The following ASAH2 variants were observed in gnomAD, a reference collection of about 807,000 sequenced individuals.
The protein encoded by ASAH2 is N-acylsphingosine amidohydrolase 2, also known as neutral ceramidase.
A neutral mutation model predicts 82.9 loss-of-function variants in ASAH2; 58 were observed. The ratio of observed to expected loss-of-function variants is 0.70; its 90% CI spans 0.57 to 0.87. The LOEUF (loss-of-function observed/expected upper bound fraction) is 0.87. Ranked by LOEUF, ASAH2 falls within the 40% of genes least tolerant of loss-of-function variation. The pLI, the probability that ASAH2 is intolerant of heterozygous loss-of-function variation, is 0.00. For missense variants in ASAH2, 779 were observed against 834.0 expected (o/e 0.93, Z 0.81); for synonymous variants, 276 against 289.7 (o/e 0.95, Z 0.48).
intron 7 of ASAH2, among the ~76,000 whole-genome samples, chr10:50,220,749 CA>C (rs1845721120): frequency 6.8e-6 from 1 of 146,386 alleles, no homozygotes; most frequent in South Asian, 2.1e-4. Flanking sequence ...AACCAACCCG[CA>C]AATGTACTCC....
chr10:50,231,447 C>A (rs1020225094), intron 7 of ASAH2, among the ~76,000 whole-genome samples: 5 of 152,124 alleles, frequency 3.3e-5, no homozygotes, highest in Non-Finnish European at 7.4e-5. Context: ...CTCCAAACTC[C>A]CACAGCATTA....
At chr10:50,200,445 G>A (rs1564834251) in intron 16 of ASAH2, among the ~76,000 whole-genome samples, 2 of 151,682 alleles carry the variant, frequency 1.3e-5, no homozygotes, top group Admixed American at 6.6e-5. Context: ...TGCATATATC[G>A]TTTCTTCTAT....
intron 2 of ASAH2, 131 bp from the exon 3 acceptor site, chr10:50,245,585 A>G (rs1464252243): frequency 4.9e-6 from 4 of 809,180 alleles, no homozygotes; most frequent in African/African-American, 3.5e-5. Flanking sequence ...ATAAAAATAT[A>G]TAGACAGGAA....
chr10:50,217,772 C>A (rs1457339599), intron 8 of ASAH2, among the ~76,000 whole-genome samples: 8 of 152,080 alleles, frequency 5.3e-5, no homozygotes, highest in African/African-American at 1.9e-4. Context: ...AAGCTAATAT[C>A]TTTATAAGGG....
chr10:50,249,047 C>T (rs1413203632), intron 1 of ASAH2, among the ~76,000 whole-genome samples: 1 of 152,194 alleles, frequency 6.6e-6, no homozygotes, highest in Non-Finnish European at 1.5e-5. Flanking sequence ...CTGATGCACG[C>T]ATACTTCTTG....
At chr10:50,250,923 C>G (rs994632082) in intron 1 of ASAH2, among the ~76,000 whole-genome samples, 16 of 152,160 alleles carry the variant, frequency 1.1e-4, no homozygotes, top group African/African-American at 3.9e-4. Context: ...AGAATTGTTG[C>G]CAACACAGTA....
intron 5 of ASAH2, 119 bp downstream of exon 5, chr10:50,235,769 C>T: frequency 9.3e-7 from 1 of 1,080,302 alleles, no homozygotes; most frequent in Non-Finnish European, 1.4e-6. Flanking sequence ...AAGAATTGTA[C>T]ATGCTAATAC....
intron 7 of ASAH2, 146 bp from the exon 8 acceptor site, chr10:50,218,776 T>A (rs1383725781): frequency 1.1e-6 from 1 of 922,152 alleles, no homozygotes; most frequent in Non-Finnish European, 1.7e-6. Flanking sequence ...TCATTGTTCA[T>A]GGGCTTAAAA....
intron 12 of ASAH2, among the ~76,000 whole-genome samples, chr10:50,207,633 TAAA>T (rs34303021): frequency 6.8e-6 from 1 of 147,130 alleles, no homozygotes; most frequent in Non-Finnish European, 1.5e-5. Flanking sequence ...ATAGGCAATC[TAAA>T]AAAAAAAAAC....
intron 7 of ASAH2, among the ~76,000 whole-genome samples, chr10:50,232,313 T>C (rs932925523): frequency 6.6e-6 from 1 of 152,174 alleles, no homozygotes; most frequent in South Asian, 2.1e-4. Flanking sequence ...TATCCTATGG[T>C]ATGCACAAAA....
chr10:50,226,375 T>C (rs1294017000), intron 7 of ASAH2, among the ~76,000 whole-genome samples: 1 of 152,154 alleles, frequency 6.6e-6, no homozygotes, highest in East Asian at 1.9e-4. Context: ...AAAGACTATG[T>C]AACAAACTTT....
At chr10:50,237,342 G>A (rs1846187508) in intron 4 of ASAH2, among the ~76,000 whole-genome samples, 1 of 152,162 alleles carries the variant, frequency 6.6e-6, no homozygotes. Flanking sequence ...AGCCATCTGA[G>A]TGAGCAACCT....
intron 7 of ASAH2, among the ~76,000 whole-genome samples, chr10:50,227,338 T>TAATG (rs1359107943): frequency 7.9e-5 from 1 of 12,722 alleles, no homozygotes; most frequent in Non-Finnish European, 2.4e-3. Context: ...AACAGATACT[T>TAATG]GTTTTTGCAG....
intron 7 of ASAH2, among the ~76,000 whole-genome samples, chr10:50,227,271 A>C: frequency 6.6e-6 from 1 of 152,326 alleles, no homozygotes; most frequent in East Asian, 1.9e-4. Context: ...CAGACTATGT[A>C]GACTTTAAGA....
chr10:50,227,595 T>A (rs1308988695), intron 7 of ASAH2, among the ~76,000 whole-genome samples: 1 of 152,134 alleles, frequency 6.6e-6, no homozygotes, highest in Non-Finnish European at 1.5e-5. Context: ...TCAAGTTTTC[T>A]ATGGTAAGCA....
At chr10:50,218,772 T>C (rs559225836) in intron 7 of ASAH2, 142 bp from the exon 8 acceptor site, 9 of 930,502 alleles carry the variant, frequency 9.7e-6, no homozygotes, top group East Asian at 7.5e-5. Flanking sequence ...TCTTTCATTG[T>C]TCATGGGCTT....
At chr10:50,202,086 A>G (rs1490842856) in intron 16 of ASAH2, among the ~76,000 whole-genome samples, 2 of 152,050 alleles carry the variant, frequency 1.3e-5, no homozygotes, top group Non-Finnish European at 2.9e-5. Context: ...CCCTTTTTCA[A>G]TGGGAATTCC....
Position 50,202,922 on chromosome 10 carries a change from T to A in ASAH2, c.1668A>T (p.Glu556Asp). 2 of 1,600,386 alleles carry A rather than the reference T, an allele frequency of 1.2e-6. No individual in the cohort carries two copies. Among genetic ancestry groups the A allele is most frequent in the Admixed American group, 3.3e-5 (2 of 59,852 alleles). The change falls in exon 16 of 21, where the codon GAA becomes GAT. Residue 556 changes from glutamate (E) to aspartate (D), a missense_variant and splice_region_variant. Around this residue, in one of 3 missense-constraint regions of ASAH2, gnomAD observed 759 missense variants for 755.2 expected, o/e 1.00. Coordinates refer to ENST00000682911, the MANE Select transcript of ASAH2 (RefSeq NM_019893.4). ...TGTTCTGCATCCCATGAGATGCAAA[T>A]TCCTAGGAGAGAAAGGTAAAACCCA... ...GRRLREAVQA[E>D]FASHGMQNMT...
intron 7 of ASAH2, among the ~76,000 whole-genome samples, chr10:50,219,583 TA>T (rs1217286803): frequency 4.8e-4 from 73 of 151,558 alleles, no homozygotes; most frequent in African/African-American, 9.9e-4. Context: ...ACTTAGAATT[TA>T]AAAAAAAAAT....
Sources: gnomAD v4.1 joint callset for allele counts (sites outside exome capture counted in the v4.1 genomes callset) on GRCh38, gnomAD v4.1.1 for gene constraint, gnomAD v4.1.1 regional missense constraint, MANE v1.5 for transcripts, NCBI Gene and HGNC (gene_info 2026-07-23, HGNC 2026-07-21) for gene names.